The following CAPN8 variants were observed in gnomAD, a reference collection of about 807,000 sequenced individuals.
CAPN8 encodes the protein calpain 8.
In CAPN8, 87 loss-of-function variants were observed where a neutral mutation model predicts 80.9. The observed-to-expected ratio is 1.07, with a 90% CI of 0.90 to 1.28. The LOEUF (loss-of-function observed/expected upper bound fraction) is 1.28, where lower values mean the gene tolerates loss of function less well. Among genes scored for constraint, CAPN8 ranks in the 50% most tolerant of loss-of-function variants. The pLI is 0.00. For synonymous variants in CAPN8, 299 were observed against 273.8 expected (o/e 1.09, Z -0.91); for missense variants, 757 against 702.0 (o/e 1.08, Z -0.89).
At chr1:223,664,526 A>G (rs189378568) in intron 1 of CAPN8, among the ~76,000 whole-genome samples, 3 of 152,344 alleles carry the variant, frequency 2.0e-5, no homozygotes, top group Non-Finnish European at 4.4e-5. Context: ...CAGATGAGAA[A>G]ACTAAGGTTC....
Position 223,627,050 on chromosome 1 carries a change from T to C in CAPN8, c.668A>G (p.Asn223Ser), listed in dbSNP as rs1237156552. 6 of 1,552,002 alleles carry C rather than the reference T, an allele frequency of 3.9e-6. No individual in the cohort carries two copies. Among genetic ancestry groups the C allele is most frequent in the Non-Finnish European group, 5.2e-6 (6 of 1,147,052 alleles). The change falls in exon 5 of 21, where the codon AAT (asparagine) becomes AGT (serine). Residue 223 changes from asparagine to serine, a missense_variant. Transcript: ENST00000366872. ...GGCCTTCCGGATGATCTGATATAGA[T>C]TGGCTGGTGGTTTCTTCAGGTCATA... ...EFYDLKKPPANLYQIIRKALC... is the reference protein window; with the variant it reads ...EFYDLKKPPASLYQIIRKALC...
At chr1:223,654,576 G>A (rs537779113) in intron 1 of CAPN8, among the ~76,000 whole-genome samples, 177 bp from the exon 2 acceptor site, 18 of 152,204 alleles carry the variant, frequency 1.2e-4, no homozygotes, top group Non-Finnish European at 2.4e-4. Flanking sequence ...ATGAGCCCTG[G>A]TCACAGTCAC....
intron 1 of CAPN8, 132 bp downstream of exon 1, chr1:223,665,278 T>C (rs1454350566): frequency 5.8e-6 from 4 of 689,106 alleles, no homozygotes; most frequent in South Asian, 3.9e-5. Flanking sequence ...AAAAAGGTGG[T>C]GGTGGAGGGA....
chr1:223,619,411 C>G lies in CAPN8; in HGVS notation c.1017G>C (p.Glu339Asp). The G allele has an allele frequency of 6.4e-7, 1 of 1,551,702 alleles. No homozygotes were observed. The part of the protein sequence containing the change: ...SDFVRQFSRL[E>D]ICNLSPDSLS... ...GAGAGTCCGGGGACAGGTTGCAGAT[C>G]TCCAACCGAGAGAACTGCCTCACGA... Residue 339 changes from glutamate (E) to aspartate (D), a missense_variant, in exon 9 of 21, where the codon GAG becomes GAC. Coordinates refer to ENST00000366872, the MANE Select transcript of CAPN8 (RefSeq NM_001143962.2).
rs1173262393 is a variant in CAPN8, at chr1:223,656,685, T to TTG, written c.238-2287_238-2286insCA. Among the ~76,000 whole-genome samples the TTG allele has an allele frequency of 1.3e-3, 167 of 130,318 alleles. 2 individuals are homozygous for TTG. Among genetic ancestry groups the TTG allele is most frequent in the East Asian group, 1.0e-2 (41 of 4,118 alleles). The allele number at this position is 130,318 out of a possible 152,430, so 85.5% of individuals were successfully genotyped here. Reference sequence around the variant, plus strand: ...CGTTTTGGGTTTTTTTGTTTTGTTTTTTTTTTTTTTTTTTTTGAGACGGGG... The same window carrying TTG: ...CGTTTTGGGTTTTTTTGTTTTGTTTTTGTTTTTTTTTTTTTTTTGAGACGGGG... On this transcript the variant is annotated intron_variant, in intron 1 of 20. Transcript: ENST00000366872.
Position 223,544,188 on chromosome 1 carries a change from G to A in CAPN8, c.1913-5C>T, listed in dbSNP as rs1409811689. 2.8e-6 allele frequency: 2 copies of A among 717,638 alleles called. No homozygotes were observed. The highest frequency in any genetic ancestry group is 5.2e-6 in the Non-Finnish European group (2 of 385,068). 44.5% of individuals were successfully genotyped at this position (717,638 alleles called of 1,614,324 possible). A position where few individuals can be genotyped will look rare whatever the true frequency, so the allele number is the denominator to read the frequency against. On this transcript the variant is annotated splice_region_variant and splice_polypyrimidine_tract_variant and intron_variant, in intron 18 of 20. Transcript: ENST00000366872. ...CCTGGCTGTTGAGGGTGAAACCTGA[G>A]GGCAGAGGGAGCCTGGGTCACAGGT...
intron 6 of CAPN8, among the ~76,000 whole-genome samples, chr1:223,624,956 G>A (rs1657520010): frequency 6.6e-6 from 1 of 152,156 alleles, no homozygotes; most frequent in Non-Finnish European, 1.5e-5. Flanking sequence ...AGCTGGGCGT[G>A]GTGGCGGGCG....
intron 1 of CAPN8, among the ~76,000 whole-genome samples, chr1:223,658,613 G>A (rs559527995): frequency 3.3e-5 from 5 of 152,234 alleles, no homozygotes; most frequent in African/African-American, 1.2e-4. Context: ...GACCAGCCCA[G>A]CCAACGTGGT....
chr1:223,551,604 G>A (rs1417262968), intron 14 of CAPN8, among the ~76,000 whole-genome samples: 1 of 152,206 alleles, frequency 6.6e-6, no homozygotes, highest in Admixed American at 6.5e-5. Context: ...CACAGGGCTC[G>A]CTTGAACAGG....
chr1:223,553,156 C>T (rs1376564110), intron 14 of CAPN8, among the ~76,000 whole-genome samples: 1 of 152,076 alleles, frequency 6.6e-6, no homozygotes, highest in Non-Finnish European at 1.5e-5. Flanking sequence ...CAAAGAGTAA[C>T]ACATTCGCTG....
chr1:223,546,649 A>T (rs1656629588), intron 16 of CAPN8, among the ~76,000 whole-genome samples: 1 of 152,202 alleles, frequency 6.6e-6, no homozygotes, highest in Non-Finnish European at 1.5e-5. Context: ...AACAATAGCC[A>T]CACAAGCTAG....
At chr1:223,632,166 G>A (rs1315301249) in intron 2 of CAPN8, among the ~76,000 whole-genome samples, 1 of 152,216 alleles carries the variant, frequency 6.6e-6, no homozygotes, top group African/African-American at 2.4e-5. Context: ...GATGCTGTGG[G>A]TTTGGAGGCT....
chr1:223,655,060 G>T (rs1028698976), intron 1 of CAPN8, among the ~76,000 whole-genome samples: 11 of 151,970 alleles, frequency 7.2e-5, no homozygotes, highest in African/African-American at 2.2e-4. Context: ...GTGGTGAGGA[G>T]CAGGGAGGTA....
chr1:223,650,686 G>A (rs117367430), intron 2 of CAPN8, among the ~76,000 whole-genome samples: 104 of 152,208 alleles, frequency 6.8e-4, no homozygotes, highest in East Asian at 3.9e-3. Context: ...CAACAATGCC[G>A]TTCCCCTTCC....
chr1:223,665,695 C>T lies in CAPN8; in HGVS notation c.-49G>A. On this transcript the variant is annotated 5_prime_UTR_variant, in exon 1 of 21. Transcript: ENST00000366872. ...CAGAAGGGCAGGGCTGCACTGTACT[C>T]TCAGACACCTGCTCCACTGGGAGGG... 1 of 1,415,752 alleles carries T rather than the reference C, an allele frequency of 7.1e-7. No homozygotes were observed. Among genetic ancestry groups the T allele is most frequent in the Non-Finnish European group, 9.7e-7 (1 of 1,028,188 alleles). The allele number at this position is 1,415,752 out of a possible 1,614,324, so 87.7% of individuals were successfully genotyped here. A position where few individuals can be genotyped will look rare whatever the true frequency, so the allele number is the denominator to read the frequency against.
intron 2 of CAPN8, 21 bp from the exon 3 acceptor site, chr1:223,628,801 C>A (rs750496526): frequency 1.5e-5 from 23 of 1,544,710 alleles, no homozygotes; most frequent in Non-Finnish European, 1.8e-5. Context: ...TCACAGGGGA[C>A]ACAGATTGGT....
intron 10 of CAPN8, among the ~76,000 whole-genome samples, chr1:223,612,746 C>A (rs1240301540): frequency 6.6e-6 from 1 of 152,164 alleles, no homozygotes; most frequent in Non-Finnish European, 1.5e-5. Context: ...ACTTACTTCT[C>A]TGGGATTTCT....
At chr1:223,543,693 T>C (rs1656534729) in intron 19 of CAPN8, among the ~76,000 whole-genome samples, 1 of 152,220 alleles carries the variant, frequency 6.6e-6, no homozygotes, top group Non-Finnish European at 1.5e-5. Context: ...AGGTGGCACA[T>C]GTTCTCAATA....
chr1:223,664,697 G>T (rs1233132487), intron 1 of CAPN8, among the ~76,000 whole-genome samples: 1 of 152,148 alleles, frequency 6.6e-6, no homozygotes, highest in Non-Finnish European at 1.5e-5. Flanking sequence ...TAACACTTTG[G>T]GAGGCTGAGG....
Sources: gnomAD v4.1 joint callset for allele counts (sites outside exome capture counted in the v4.1 genomes callset) on GRCh38, gnomAD v4.1.1 for gene constraint, MANE v1.5 for transcripts, NCBI Gene and HGNC (gene_info 2026-07-23, HGNC 2026-07-21) for gene names.